FLT3: variants seen among roughly 807,000 people sequenced by gnomAD.
FLT3 encodes the protein receptor-type tyrosine-protein kinase FLT3.
In FLT3, 46 loss-of-function variants were observed where a neutral mutation model predicts 126.6. That is an observed-to-expected ratio of 0.36 (90% CI 0.29 to 0.46). FLT3 has a LOEUF of 0.46. FLT3 is among the 20% of genes least tolerant of loss of function. The pLI is 1.00. For synonymous variants in FLT3, 404 were observed against 434.4 expected (o/e 0.93, Z 0.87); for missense variants, 1,069 against 1,190.3 (o/e 0.90, Z 1.50).
intron 23 of FLT3, among the ~76,000 whole-genome samples, chr13:28,010,053 T>C (rs1462422127): frequency 6.6e-6 from 1 of 152,154 alleles, no homozygotes; most frequent in Non-Finnish European, 1.5e-5. Flanking sequence ...CCCTCTCAAC[T>C]GATGTCCTGA....
At chr13:28,094,868 A>G (rs947434785) in intron 1 of FLT3, among the ~76,000 whole-genome samples, 1 of 152,198 alleles carries the variant, frequency 6.6e-6, no homozygotes, top group Admixed American at 6.5e-5. Context: ...TGCGTGAGTC[A>G]AATTAGTGAC....
chr13:28,069,265 G>C (rs1048826030), intron 2 of FLT3, among the ~76,000 whole-genome samples: 1 of 152,158 alleles, frequency 6.6e-6, no homozygotes, highest in Non-Finnish European at 1.5e-5. Flanking sequence ...AGTGAGACTA[G>C]AGAATATGAG....
intron 3 of FLT3, among the ~76,000 whole-genome samples, chr13:28,060,088 C>T (rs1876397649): frequency 6.6e-6 from 1 of 150,542 alleles, no homozygotes; most frequent in South Asian, 2.1e-4. Context: ...AACTAAAAAA[C>T]AAGACACTTA....
chr13:28,078,940 C>G (rs1050491016), intron 1 of FLT3, among the ~76,000 whole-genome samples: 7 of 152,210 alleles, frequency 4.6e-5, no homozygotes, highest in African/African-American at 1.4e-4. Flanking sequence ...TCTTGAACTC[C>G]CGACCTCGTG....
rs1873658390 is a variant in FLT3, at chr13:28,034,536, T to TA, written c.1598-130dup. The TA allele has an allele frequency of 2.8e-5, 19 of 673,746 alleles. No individual in the cohort carries two copies. In the South Asian group the frequency reaches 3.3e-4, roughly 12 times the overall value. The allele number at this position is 673,746 out of a possible 1,614,324, so 41.7% of individuals were successfully genotyped here. The stretch of plus-strand genomic sequence containing the variant: ...TCATTTTCAGTCCTAACAACCACTC[T>TA]ACATATACTCTACTCCCCACAGACA... On this transcript the variant is annotated intron_variant, in intron 12 of 23. Transcript: ENST00000241453.
At chr13:28,092,878 A>T (rs1273979843) in intron 1 of FLT3, among the ~76,000 whole-genome samples, 1 of 149,896 alleles carries the variant, frequency 6.7e-6, no homozygotes, top group African/African-American at 2.4e-5. Context: ...CACAGAGGGA[A>T]GATATAACAA....
rs1872997999 is a variant in FLT3 at position 28,028,326 on chromosome 13, G to A, written c.1943-38C>T. 3.8e-6 allele frequency: 4 copies of A among 1,052,788 alleles called. No homozygotes were observed. In the East Asian group the frequency reaches 7.1e-5, roughly 19 times the overall value. The allele number at this position is 1,052,788 out of a possible 1,614,324, so 65.2% of individuals were successfully genotyped here. On this transcript the variant is annotated intron_variant, in intron 15 of 23. Transcript: ENST00000241453. ...GGAGCATTAAAAATGTAAAACTCAA[G>A]TAAAATACGAATTTTATGTCATTAA... is the stretch of plus-strand genomic sequence containing the variant.
rs1876694498 is a variant in FLT3, at chr13:28,062,844, T to G, written c.166-775A>C. 2.0e-5 allele frequency among the ~76,000 whole-genome samples: 3 copies of G among 151,564 alleles called. No homozygotes were observed. The South Asian group carries it at 6.2e-4, about 32-fold the overall frequency. On this transcript the variant is annotated intron_variant, in intron 2 of 23. Transcript: ENST00000241453. ...CATCTTCCAACCAAGGAGAGAGGCC[T>G]GGAGCAGATTCTTGCTCACTGCCCT...
intron 15 of FLT3, among the ~76,000 whole-genome samples, chr13:28,029,249 G>T (rs563423423): frequency 2.0e-5 from 3 of 152,118 alleles, no homozygotes; most frequent in African/African-American, 7.2e-5. Flanking sequence ...AAAATTAGCC[G>T]GGCGTGCCGG....
chr13:28,084,331 T>G (rs1260606437), intron 1 of FLT3, among the ~76,000 whole-genome samples: 4 of 152,018 alleles, frequency 2.6e-5, no homozygotes, highest in Non-Finnish European at 4.4e-5. Context: ...TTTTTTATTT[T>G]TTTACAAAAA....
Position 28,062,006 on chromosome 13 carries a change from C to T in FLT3, c.229G>A (p.Glu77Lys), listed in dbSNP as rs371663652. ...LRPQSSGTVYEAAAVEVDVSA... is the reference protein window; with the variant it reads ...LRPQSSGTVYKAAAVEVDVSA... ...ACATCCACTTCCACAGCGGCAGCTT[C>T]GTACACTGTCCCTGAGCTCTGGGGT... Residue 77 changes from glutamate (E) to lysine (K), a missense_variant, in exon 3 of 24, where the codon GAA (glutamate) becomes AAA (lysine). Transcript: ENST00000241453. 2.9e-5 allele frequency: 47 copies of T among 1,613,318 alleles called. No individual in the cohort carries two copies. Among genetic ancestry groups the T allele is most frequent in the African/African-American group, 1.9e-4 (14 of 75,010 alleles).
chr13:28,024,874 T>C lies in FLT3; in HGVS notation c.2277A>G (p.Ser759=). 4.4e-6 allele frequency: 7 copies of C among 1,604,524 alleles called. No homozygotes were observed. The highest frequency in any genetic ancestry group is 6.0e-6 in the Non-Finnish European group (7 of 1,173,160). The change falls in exon 18 of 24, where the codon TCA becomes TCG. Residue 759 remains serine (S), a synonymous_variant. Coordinates refer to ENST00000241453, the MANE Select transcript of FLT3 (RefSeq NM_004119.3). ...SDQISGLHGN[S]FHSEDEIEYE... Reference sequence around the variant, plus strand: ...ATAAAATATTACCTTCAGAGTGAAATGAATTCCCATGAAGCCCTGAGATTT... The same window carrying C: ...ATAAAATATTACCTTCAGAGTGAAACGAATTCCCATGAAGCCCTGAGATTT...
rs1593226069 is a variant in FLT3 at position 28,023,297 on chromosome 13, C to T, written c.2418+53G>A. 1.3e-5 allele frequency: 20 copies of T among 1,544,022 alleles called. No individual in the cohort carries two copies. In the East Asian group the frequency reaches 4.0e-4, roughly 31 times the overall value. Reference sequence around the variant, plus strand: ...AAATAAACAAGAAAACATATATAAGCACATCTTTTCAAATCTTTTTTTTGG... The same window carrying T: ...AAATAAACAAGAAAACATATATAAGTACATCTTTTCAAATCTTTTTTTTGG... On this transcript the variant is annotated intron_variant, in intron 19 of 23. Transcript: ENST00000241453.
intron 1 of FLT3, among the ~76,000 whole-genome samples, chr13:28,075,853 T>C (rs1376029470): frequency 6.6e-6 from 1 of 151,610 alleles, no homozygotes; most frequent in Admixed American, 6.6e-5. Context: ...TGGAGTACAG[T>C]GGCACCATCT....
chr13:28,046,983 A>C (rs1874941871), intron 9 of FLT3, among the ~76,000 whole-genome samples: 1 of 152,138 alleles, frequency 6.6e-6, no homozygotes, highest in Admixed American at 6.6e-5. Context: ...ATTAGAGTAC[A>C]TCTCAATTTG....
rs1417168942 is a variant in FLT3 at position 28,100,143 on chromosome 13, G to A, written c.43+325C>T. Among the ~76,000 whole-genome samples the A allele has an allele frequency of 6.6e-6, 1 of 152,128 alleles. No homozygotes were observed. The highest frequency in any genetic ancestry group is 1.5e-5 in the Non-Finnish European group (1 of 68,020). ...CGGACGGCCCAGCACCCGAGCGCGC[G>A]GGCCGAGCTGCCCCAGACCCGGCGC... On this transcript the variant is annotated intron_variant, in intron 1 of 23. Transcript: ENST00000241453. The surrounding 1 kb of genome is among the most constrained non-coding windows in gnomAD (Gnocchi z 4.8).
At position 28,006,818 on chromosome 13, in the gene FLT3, C is replaced by G. The variant is rs559559289; in HGVS notation, c.2860-2644G>C. Among the ~76,000 whole-genome samples the G allele has an allele frequency of 9.3e-4, 141 of 150,970 alleles. 1 individual carries two copies. Among genetic ancestry groups the G allele is most frequent in the Non-Finnish European group, 1.8e-3 (121 of 67,896 alleles). On this transcript the variant is annotated intron_variant, in intron 23 of 23. Transcript: ENST00000241453. ...CTGGAGTGTTGTGGCATGATCTCAG[C>G]TCACAGCAACCTCTGCCTCTCAGGT... is the stretch of plus-strand genomic sequence containing the variant.
intron 9 of FLT3, among the ~76,000 whole-genome samples, chr13:28,045,121 T>A (rs1021102280): frequency 3.9e-5 from 6 of 152,146 alleles, no homozygotes; most frequent in Admixed American, 1.3e-4. Context: ...GTCATGGGTA[T>A]GGATTGTAGC....
chr13:28,062,743 C>A (rs866186842), intron 2 of FLT3, among the ~76,000 whole-genome samples: 149 of 89,970 alleles, frequency 1.7e-3, no homozygotes, highest in Non-Finnish European at 2.0e-3. Flanking sequence ...AACTCTGTCT[C>A]AAAAAAAAAA....
Sources: allele counts gnomAD v4.1 joint callset (sites outside exome capture counted in the v4.1 genomes callset), GRCh38; gene constraint gnomAD v4.1.1; non-coding constraint Gnocchi (gnomAD v3.1); transcripts MANE v1.5; gene names NCBI Gene and HGNC (gene_info 2026-07-23, HGNC 2026-07-21).